The following NTM variants were observed in gnomAD, a reference collection of about 807,000 sequenced individuals.
NTM encodes the protein neurotrimin.
A neutral mutation model predicts 42.1 loss-of-function variants in NTM; 13 were observed. That is an observed-to-expected ratio of 0.31 (90% CI 0.20 to 0.49). The LOEUF is 0.49. NTM is among the 20% of genes least tolerant of loss of function. The pLI is 0.99. For synonymous variants in NTM, 187 were observed against 179.2 expected (o/e 1.04, Z -0.35); for missense variants, 373 against 452.8 (o/e 0.82, Z 1.60).
chr11:131,995,071 C>A (rs2067742727), intron 2 of NTM, among the ~76,000 whole-genome samples: 1 of 152,138 alleles, frequency 6.6e-6, no homozygotes, highest in African/African-American at 2.4e-5. Flanking sequence ...GCCTTAGATC[C>A]CCCTGTCCTC....
chr11:132,268,668 C>CTGTG (rs779978929), intron 4 of NTM, among the ~76,000 whole-genome samples: 26,110 of 138,200 alleles, frequency 0.19, 2,387 homozygotes, highest in Middle Eastern at 0.27. Context: ...CTCTCTCTCT[C>CTGTG]TCTGTGTGTG....
intron 1 of NTM, among the ~76,000 whole-genome samples, chr11:131,796,838 C>G (rs2091624416): frequency 6.6e-6 from 1 of 152,302 alleles, no homozygotes; most frequent in South Asian, 2.1e-4. Flanking sequence ...GAGGATGCCT[C>G]CCTGTCTTCC....
intron 1 of NTM, among the ~76,000 whole-genome samples, chr11:131,445,408 T>G (rs116960337): frequency 3.9e-5 from 6 of 152,292 alleles, no homozygotes; most frequent in African/African-American, 7.2e-5. Flanking sequence ...AAAGGAAAAT[T>G]CACTTTTAGT....
At chr11:131,791,630 A>G (rs1356227253) in intron 1 of NTM, among the ~76,000 whole-genome samples, 1 of 152,204 alleles carries the variant, frequency 6.6e-6, no homozygotes, top group Non-Finnish European at 1.5e-5. Flanking sequence ...AGTTTAGAAG[A>G]CTTTTGCAAG....
At chr11:131,485,385 C>A (rs1358384688) in intron 1 of NTM, among the ~76,000 whole-genome samples, 1 of 152,190 alleles carries the variant, frequency 6.6e-6, no homozygotes, top group Non-Finnish European at 1.5e-5. Context: ...GCTACCACAG[C>A]AGGCATTTTG....
chr11:131,414,344 C>T (rs1946729658), intron 1 of NTM, among the ~76,000 whole-genome samples: 1 of 152,176 alleles, frequency 6.6e-6, no homozygotes, highest in Non-Finnish European at 1.5e-5. Flanking sequence ...CTGCCTGCTG[C>T]CTTTGCCTCT....
chr11:131,438,069 G>A (rs962441461), intron 1 of NTM, among the ~76,000 whole-genome samples: 19 of 152,164 alleles, frequency 1.2e-4, no homozygotes, highest in Non-Finnish European at 2.4e-4. Context: ...ATGAAATTGT[G>A]GGTTGAAAAT....
intron 1 of NTM, among the ~76,000 whole-genome samples, chr11:131,881,553 C>T (rs1007294283): frequency 7.9e-5 from 12 of 151,336 alleles, no homozygotes; most frequent in African/African-American, 2.9e-4. Context: ...ACTTTGTGGA[C>T]ACCAGCATGC....
chr11:131,447,076 A>G (rs574743160), intron 1 of NTM, among the ~76,000 whole-genome samples: 1 of 152,372 alleles, frequency 6.6e-6, no homozygotes, highest in East Asian at 1.9e-4. Flanking sequence ...TACATGACCC[A>G]GGCTAAGGCT....
intron 1 of NTM, among the ~76,000 whole-genome samples, chr11:131,528,760 G>A (rs1340609700): frequency 6.6e-6 from 1 of 152,196 alleles, no homozygotes; most frequent in Non-Finnish European, 1.5e-5. Context: ...ATGGGTGAAT[G>A]AGTGCTTGAT....
chr11:131,780,392 T>C lies in NTM; in HGVS notation c.83-131172T>C, dbSNP rs73039768. On this transcript the variant is annotated intron_variant, in intron 1 of 8. Coordinates refer to ENST00000683400, the MANE Select transcript of NTM (RefSeq NM_001352005.2). Reference sequence around the variant, plus strand: ...TTTAAGAAGCATCTTAGCTGTCTGCTTGAGACTATGGGTCATTCTCAAATG... The same window carrying C: ...TTTAAGAAGCATCTTAGCTGTCTGCCTGAGACTATGGGTCATTCTCAAATG... 6.7e-3 allele frequency among the ~76,000 whole-genome samples: 1,016 copies of C among 152,240 alleles called. 5 individuals are homozygous for C. Among genetic ancestry groups the C allele is most frequent in the Non-Finnish European group, 0.011 (776 of 68,032 alleles).
chr11:131,748,254 T>C (rs2135665759), intron 1 of NTM, among the ~76,000 whole-genome samples: 1 of 152,336 alleles, frequency 6.6e-6, no homozygotes, highest in African/African-American at 2.4e-5. Context: ...ATGTATCATG[T>C]AGTACATGAC....
chr11:131,453,918 G>A lies in NTM; in HGVS notation c.82+83030G>A, dbSNP rs191016639. 3.5e-3 allele frequency among the ~76,000 whole-genome samples: 530 copies of A among 152,346 alleles called. 4 individuals carry two copies. Among genetic ancestry groups the A allele is most frequent in the African/African-American group, 0.012 (495 of 41,574 alleles). On this transcript the variant is annotated intron_variant, in intron 1 of 8. Coordinates refer to ENST00000683400, the MANE Select transcript of NTM (RefSeq NM_001352005.2). ...AGGGATGAGCCTGCAGTAGTGGGCT[G>A]GGAAGTGCAAGCTGGGCTGAACCTG... is the stretch of plus-strand genomic sequence containing the variant.
intron 2 of NTM, among the ~76,000 whole-genome samples, chr11:132,115,841 C>T (rs762022484): frequency 1.5e-4 from 23 of 152,214 alleles, no homozygotes; most frequent in Non-Finnish European, 1.0e-4. Context: ...GTGGCAAGGG[C>T]TGGTGAGCCC....
chr11:131,473,424 A>C (rs1952634980), intron 1 of NTM, among the ~76,000 whole-genome samples: 1 of 152,176 alleles, frequency 6.6e-6, no homozygotes, highest in African/African-American at 2.4e-5. Flanking sequence ...TATTCATCAG[A>C]CACAAACTCA....
At chr11:132,088,299 A>G (rs2059981816) in intron 2 of NTM, among the ~76,000 whole-genome samples, 1 of 152,120 alleles carries the variant, frequency 6.6e-6, no homozygotes, top group Non-Finnish European at 1.5e-5. Flanking sequence ...TGAGGATGAG[A>G]AAGCTCAGAA....
intron 1 of NTM, among the ~76,000 whole-genome samples, chr11:131,753,052 CAA>C (rs2082780968): frequency 2.2e-5 from 1 of 45,356 alleles, no homozygotes; most frequent in Non-Finnish European, 4.5e-5. Flanking sequence ...AAGAAAAAAA[CAA>C]ACAACCCCAT....
At chr11:132,321,771 C>T (rs1275425044) in intron 7 of NTM, among the ~76,000 whole-genome samples, 71 of 149,390 alleles carry the variant, frequency 4.8e-4, no homozygotes, top group Non-Finnish European at 5.9e-4. Flanking sequence ...TTAAGGGCAG[C>T]CAGAGAGAAA....
chr11:131,554,937 C>T lies in NTM; in HGVS notation c.82+184049C>T, dbSNP rs371569582. Among the ~76,000 whole-genome samples, 5 of 152,236 alleles carry T rather than the reference C, an allele frequency of 3.3e-5. No individual in the cohort carries two copies. In the East Asian group the frequency reaches 9.7e-4, roughly 29 times the overall value. ...ATTTTAATTAAACTTTTCAAGCTGT[C>T]TCTGGGTGGCCAGATAAGCAAAACA... On this transcript the variant is annotated intron_variant, in intron 1 of 8. Coordinates refer to ENST00000683400, the MANE Select transcript of NTM (RefSeq NM_001352005.2).
Sources: allele counts gnomAD v4.1 joint callset (sites outside exome capture counted in the v4.1 genomes callset), GRCh38; gene constraint gnomAD v4.1.1; transcripts MANE v1.5; gene names NCBI Gene and HGNC (gene_info 2026-07-23, HGNC 2026-07-21).